The following ELOVL7 variants were observed in gnomAD, a reference collection of about 807,000 sequenced individuals.
The protein encoded by ELOVL7 is ELOVL fatty acid elongase 7.
A neutral mutation model predicts 35.7 loss-of-function variants in ELOVL7; 27 were observed. The observed-to-expected ratio is 0.76, with a 90% CI of 0.56 to 1.04. The LOEUF (loss-of-function observed/expected upper bound fraction) is 1.04. Among genes scored for constraint, ELOVL7 ranks in the 50% least tolerant of loss-of-function variants. The probability of loss-of-function intolerance (pLI) is 0.00; values close to 1 mark genes in which losing one functional copy is unlikely to be tolerated. For synonymous variants in ELOVL7, 113 were observed against 114.6 expected (o/e 0.99, Z 0.09); for missense variants, 327 against 340.8 (o/e 0.96, Z 0.32).
chr5:60,788,491 T>C (rs759185529), intron 2 of ELOVL7, among the ~76,000 whole-genome samples: 6 of 152,080 alleles, frequency 3.9e-5, no homozygotes, highest in Non-Finnish European at 8.8e-5. Flanking sequence ...TTTTTAAAAA[T>C]TGGCCGGGTG....
rs976489922 is a variant in ELOVL7 at position 60,820,932 on chromosome 5, T to C, written c.-85-21702A>G. On this transcript the variant is annotated intron_variant, in intron 1 of 8. Transcript: ENST00000508821. ...ATAAGTTTGTCTACTGATAAGTCTGTCTTGTGTTGATGTTCTCTTGTCTGC... is the reference window on the plus strand; with the variant it reads ...ATAAGTTTGTCTACTGATAAGTCTGCCTTGTGTTGATGTTCTCTTGTCTGC... Among the ~76,000 whole-genome samples the C allele has an allele frequency of 7.2e-5, 11 of 152,322 alleles. No homozygotes were observed. In the South Asian group the frequency reaches 1.0e-3, roughly 14 times the overall value.
In ELOVL7 at chr5:60,790,772, C is replaced by T. The variant is rs2112250099; in HGVS notation, c.-34-3341G>A. Reference sequence around the variant, plus strand: ...CTGTGTGACTCCAGCAAAATTACAGCTCAATTTCCTAATCTGTAAAATGGG... The same window carrying T: ...CTGTGTGACTCCAGCAAAATTACAGTTCAATTTCCTAATCTGTAAAATGGG... On this transcript the variant is annotated intron_variant, in intron 2 of 8. Coordinates refer to ENST00000508821, the MANE Select transcript of ELOVL7 (RefSeq NM_024930.3). Among the ~76,000 whole-genome samples, 2 of 152,240 alleles carry T rather than the reference C, an allele frequency of 1.3e-5. 1 individual carries two copies. Among genetic ancestry groups the T allele is most frequent in the East Asian group, 3.9e-4 (2 of 5,180 alleles).
intron 3 of ELOVL7, among the ~76,000 whole-genome samples, chr5:60,779,820 G>A (rs1480717985): frequency 1.3e-5 from 2 of 152,128 alleles, no homozygotes; most frequent in Non-Finnish European, 2.9e-5. Flanking sequence ...GCATCATCAG[G>A]CTGCAAATTT....
At chr5:60,839,160 G>A (rs966722725) in intron 1 of ELOVL7, among the ~76,000 whole-genome samples, 6 of 151,936 alleles carry the variant, frequency 3.9e-5, no homozygotes, top group African/African-American at 1.5e-4. Context: ...GGCCAACATG[G>A]TGAAACCCCA....
In ELOVL7 at chr5:60,816,903, G is replaced by A. The variant is rs1013961124; in HGVS notation, c.-85-17673C>T. 3.3e-5 allele frequency among the ~76,000 whole-genome samples: 5 copies of A among 152,104 alleles called. No individual in the cohort carries two copies. In the East Asian group the frequency reaches 5.8e-4, roughly 18 times the overall value. On this transcript the variant is annotated intron_variant, in intron 1 of 8. Transcript: ENST00000508821. ...TAAAAATGAAATTATAAAAATACCC[G>A]GTGTTTGGGGAAAACTGAATGAAAA...
At chr5:60,774,382 A>T (rs532295695) in intron 3 of ELOVL7, among the ~76,000 whole-genome samples, 1 of 152,324 alleles carries the variant, frequency 6.6e-6, no homozygotes, top group South Asian at 2.1e-4. Context: ...ACATAAACAG[A>T]ATTAAAAACA....
intron 2 of ELOVL7, among the ~76,000 whole-genome samples, chr5:60,793,178 T>G (rs940555913): frequency 3.9e-5 from 6 of 152,168 alleles, no homozygotes; most frequent in Non-Finnish European, 1.5e-5. Context: ...CCACTGTACC[T>G]CTCAATGCAG....
chr5:60,776,579 C>T (rs918550652), intron 3 of ELOVL7, among the ~76,000 whole-genome samples: 2 of 152,116 alleles, frequency 1.3e-5, no homozygotes, highest in Non-Finnish European at 2.9e-5. Context: ...GCAACATGAA[C>T]GTAGTTGGAG....
In ELOVL7 at chr5:60,802,403, G is replaced by A. The variant is rs193018745; in HGVS notation, c.-85-3173C>T. On this transcript the variant is annotated intron_variant, in intron 1 of 8. Transcript: ENST00000508821. ...TTCATAAATCATTCTCAGACATGAC[G>A]ACACCCATGACAACATGAGCAACAG... Among the ~76,000 whole-genome samples, 303 of 152,082 alleles carry A rather than the reference G, an allele frequency of 2.0e-3. 1 individual carries two copies. Among genetic ancestry groups the A allele is most frequent in the Non-Finnish European group, 3.1e-3 (213 of 68,000 alleles).
chr5:60,839,956 T>C (rs1483504984), intron 1 of ELOVL7, among the ~76,000 whole-genome samples: 2 of 151,258 alleles, frequency 1.3e-5, no homozygotes, highest in Non-Finnish European at 2.9e-5. Context: ...GCCATGACTG[T>C]GCCACTGCAC....
chr5:60,826,093 C>T (rs530342030), intron 1 of ELOVL7, among the ~76,000 whole-genome samples: 22 of 152,184 alleles, frequency 1.4e-4, no homozygotes, highest in Admixed American at 7.9e-4. Flanking sequence ...GGAGGTATTA[C>T]GGTACATATA....
At chr5:60,829,847 T>C (rs1746378448) in intron 1 of ELOVL7, among the ~76,000 whole-genome samples, 1 of 152,232 alleles carries the variant, frequency 6.6e-6, no homozygotes, top group Non-Finnish European at 1.5e-5. Flanking sequence ...GGTTCATGAG[T>C]GGCTACTGAT....
chr5:60,837,322 G>GGGT (rs1333572294), intron 1 of ELOVL7, among the ~76,000 whole-genome samples: 1 of 114,428 alleles, frequency 8.7e-6, no homozygotes, highest in African/African-American at 3.4e-5. Context: ...GGGTGGGGGG[G>GGGT]GAGTGGGGGG....
chr5:60,798,729 AAGAG>A lies in ELOVL7; in HGVS notation c.-35+447_-35+450del, dbSNP rs527778729. On this transcript the variant is annotated intron_variant, in intron 2 of 8. Transcript: ENST00000508821. ...TAATGCAAAGATTAATAGATCTGAA[AAGAG>A]AGAGAGACTACAATACAATAATAGT... 1.7e-4 allele frequency among the ~76,000 whole-genome samples: 26 copies of A among 152,322 alleles called. No individual in the cohort carries two copies. In the South Asian group the frequency reaches 5.4e-3, roughly 32 times the overall value.
At chr5:60,793,310 G>A (rs921897) in intron 2 of ELOVL7, among the ~76,000 whole-genome samples, 88,287 of 151,860 alleles carry the variant, frequency 0.58, 26,405 homozygotes, top group East Asian at 0.89. Context: ...TACTGCTACA[G>A]TTTTTTTTGC....
In ELOVL7 at chr5:60,833,921, A is replaced by G. The variant is rs185776811; in HGVS notation, c.-86+10239T>C. Among the ~76,000 whole-genome samples the G allele has an allele frequency of 1.8e-3, 270 of 152,264 alleles. 4 individuals are homozygous for G. The East Asian group carries it at 0.045, about 25-fold the overall frequency. On this transcript the variant is annotated intron_variant, in intron 1 of 8. Coordinates refer to ENST00000508821, the MANE Select transcript of ELOVL7 (RefSeq NM_024930.3). ...CATTTTATAAGTTTGGCCTTTTTTC[A>G]TCAACCTACTAATACTTCAGAAAAG... is the stretch of plus-strand genomic sequence containing the variant.
intron 1 of ELOVL7, among the ~76,000 whole-genome samples, chr5:60,818,943 A>T (rs1745699484): frequency 6.7e-6 from 1 of 148,876 alleles, no homozygotes; most frequent in Admixed American, 6.7e-5. Context: ...TGAGAGGTGG[A>T]GGTTGCAGTG....
intron 4 of ELOVL7, among the ~76,000 whole-genome samples, chr5:60,770,864 A>AT (rs1384948329): frequency 6.6e-6 from 1 of 151,966 alleles, no homozygotes; most frequent in Non-Finnish European, 1.5e-5. Context: ...CGCCTGGCTA[A>AT]TTTTTTTGTA....
intron 1 of ELOVL7, among the ~76,000 whole-genome samples, chr5:60,803,839 G>A (rs1336651201): frequency 3.9e-5 from 6 of 152,044 alleles, no homozygotes; most frequent in Non-Finnish European, 2.9e-5. Context: ...TCATTTCCAC[G>A]TCAAACAGAA....
Sources: allele counts gnomAD v4.1 joint callset (sites outside exome capture counted in the v4.1 genomes callset), GRCh38; gene constraint gnomAD v4.1.1; transcripts MANE v1.5; gene names NCBI Gene and HGNC (gene_info 2026-07-23, HGNC 2026-07-21).